CLCA1: variants seen among roughly 807,000 people sequenced by gnomAD.
CLCA1 encodes chloride channel accessory 1.
In CLCA1, 59 loss-of-function variants were observed where a neutral mutation model predicts 85.6. The ratio of observed to expected loss-of-function variants is 0.69; its 90% CI spans 0.56 to 0.86. The LOEUF is 0.86. CLCA1 is among the 40% of genes least tolerant of loss of function. The pLI is 0.00. For missense variants in CLCA1, 1,022 were observed against 1,101.4 expected (o/e 0.93, Z 1.02); for synonymous variants, 396 against 398.3 (o/e 0.99, Z 0.07).
Position 86,499,890 on chromosome 1 carries a change from T to C in CLCA1, c.2590T>C (p.Leu864=). The part of the protein sequence containing the change: ...SEISNIARVS[L]FIPPQTPPET... ...AATATCCAACATTGCACGAGTATCT[T>C]TGTTTATTCCTCCACAGACTCCGCC... Residue 864 remains leucine (L), a synonymous_variant, in exon 14 of 14, where the codon TTG becomes CTG. Transcript: ENST00000394711. 1 of 1,614,122 alleles carries C rather than the reference T, an allele frequency of 6.2e-7. No individual in the cohort carries two copies.
intron 1 of CLCA1, among the ~76,000 whole-genome samples, 194 bp downstream of exon 1, chr1:86,469,327 C>T (rs1647435771): frequency 6.6e-6 from 1 of 152,084 alleles, no homozygotes; most frequent in African/African-American, 2.4e-5. Flanking sequence ...ATAATGAATG[C>T]AATGCACATA....
At chr1:86,489,540 G>T (rs1648078898) in intron 8 of CLCA1, among the ~76,000 whole-genome samples, 1 of 152,146 alleles carries the variant, frequency 6.6e-6, no homozygotes. Context: ...GCAACAGAAA[G>T]TACAATAAAG....
At chr1:86,498,425 T>C (rs1438594114) in intron 12 of CLCA1, 147 bp from the exon 13 acceptor site, 2 of 707,158 alleles carry the variant, frequency 2.8e-6, no homozygotes, top group Non-Finnish European at 4.5e-6. Context: ...TGTGGTCTTG[T>C]CTCCAAATAT....
rs1218629888 is a variant in CLCA1, at chr1:86,478,721, AATGAGTACATATAC to A, written c.557+2170_557+2183del. Among the ~76,000 whole-genome samples the A allele has an allele frequency of 7.9e-5, 12 of 152,386 alleles. No individual in the cohort carries two copies. In the South Asian group the frequency reaches 1.4e-3, roughly 18 times the overall value. ...TATTTCCTTCTAGAGATATTCTAGA[AATGAGTACATATAC>A]AACACATTTTTCTTTCGACAGATAA... On this transcript the variant is annotated intron_variant, in intron 4 of 13. Coordinates refer to ENST00000394711, the MANE Select transcript of CLCA1 (RefSeq NM_001285.4).
chr1:86,484,831 G>A (rs1377152501), intron 5 of CLCA1, among the ~76,000 whole-genome samples: 2 of 135,018 alleles, frequency 1.5e-5, no homozygotes, highest in African/African-American at 5.1e-5. Context: ...AATACCTGAG[G>A]AGGAGGAGCA....
chr1:86,496,719 A>G (rs185860813), intron 12 of CLCA1, among the ~76,000 whole-genome samples: 20 of 152,222 alleles, frequency 1.3e-4, no homozygotes, highest in Admixed American at 1.2e-3. Context: ...ATAGAGGGAA[A>G]TGTTTTAAAA....
At chr1:86,484,659 G>T (rs1647913691) in intron 5 of CLCA1, among the ~76,000 whole-genome samples, 1 of 152,204 alleles carries the variant, frequency 6.6e-6, no homozygotes, top group Non-Finnish European at 1.5e-5. Flanking sequence ...GACTGTGATG[G>T]CTTGGGTGAT....
At chr1:86,488,389 C>G (rs1648042890) in intron 7 of CLCA1, among the ~76,000 whole-genome samples, 2 of 152,104 alleles carry the variant, frequency 1.3e-5, no homozygotes. Context: ...AATAAATAAT[C>G]CAAATATACC....
chr1:86,489,243 T>C (rs1648073351), intron 8 of CLCA1, 73 bp downstream of exon 8: 1 of 1,420,256 alleles, frequency 7.0e-7, no homozygotes, highest in African/African-American at 1.4e-5. Flanking sequence ...AACTGGGGAG[T>C]GGGGGAAAGA....
chr1:86,490,908 A>AG (rs1286836392), intron 8 of CLCA1, among the ~76,000 whole-genome samples: 1 of 122,282 alleles, frequency 8.2e-6, no homozygotes, highest in Non-Finnish European at 1.9e-5. Context: ...CTAAAAAAAA[A>AG]AAAAAAAAAA....
intron 4 of CLCA1, among the ~76,000 whole-genome samples, chr1:86,478,757 A>G (rs1570281638): frequency 6.6e-6 from 1 of 152,242 alleles, no homozygotes; most frequent in African/African-American, 2.4e-5. Context: ...CTTTCGACAG[A>G]TAAGACATGA....
chr1:86,476,832 G>T (rs1307033163), intron 4 of CLCA1, among the ~76,000 whole-genome samples: 1 of 151,844 alleles, frequency 6.6e-6, no homozygotes, highest in East Asian at 1.9e-4. Flanking sequence ...GCTGTGTTTA[G>T]TGTCTCCATC....
intron 7 of CLCA1, among the ~76,000 whole-genome samples, chr1:86,488,415 A>G (rs1218590205): frequency 4.6e-5 from 7 of 152,246 alleles, no homozygotes; most frequent in African/African-American, 1.7e-4. Context: ...TAGTTGAGAC[A>G]TAGGTGTCAC....
In CLCA1 at chr1:86,495,541, G is replaced by A; in HGVS notation, c.1979G>A (p.Arg660Lys). The A allele has an allele frequency of 1.2e-6, 2 of 1,613,900 alleles. No individual in the cohort carries two copies. Among genetic ancestry groups the A allele is most frequent in the Non-Finnish European group, 1.7e-6 (2 of 1,179,878 alleles). The change falls in exon 12 of 14, where the codon AGG (arginine) becomes AAG (lysine). Residue 660 changes from arginine (R) to lysine (K), a missense_variant. Coordinates refer to ENST00000394711, the MANE Select transcript of CLCA1 (RefSeq NM_001285.4). The stretch of plus-strand genomic sequence containing the variant: ...ACTAAGGATGACGGTGTCTACTCAA[G>A]GTATTTCACAACTTATGACACGAAT... Reference protein sequence around the residue: ...DATKDDGVYSRYFTTYDTNGR... With the variant: ...DATKDDGVYSKYFTTYDTNGR...
rs1416148010 is a variant in CLCA1 at position 86,495,495 on chromosome 1, C to G, written c.1943-10C>G. 4 of 1,601,388 alleles carry G rather than the reference C, an allele frequency of 2.5e-6. No individual in the cohort carries two copies. The Admixed American group carries it at 5.0e-5, about 20-fold the overall frequency. ...TTACCTATTTATTAATTCCTTCATT[C>G]TTTATCAAGGTGCTGATGCTACTAA... On this transcript the variant is annotated splice_polypyrimidine_tract_variant and intron_variant, in intron 11 of 13. Coordinates refer to ENST00000394711, the MANE Select transcript of CLCA1 (RefSeq NM_001285.4).
At chr1:86,487,208 C>A (rs1230430529) in intron 7 of CLCA1, among the ~76,000 whole-genome samples, 1 of 152,198 alleles carries the variant, frequency 6.6e-6, no homozygotes, top group Non-Finnish European at 1.5e-5. Flanking sequence ...AACACTTCTC[C>A]AGATGCCTGC....
chr1:86,493,425 G>A lies in CLCA1; in HGVS notation c.1506G>A (p.Met502Ile). The A allele has an allele frequency of 5.6e-6, 9 of 1,614,102 alleles. No individual in the cohort carries two copies. The highest frequency in any genetic ancestry group is 6.8e-6 in the Non-Finnish European group (8 of 1,179,984). Residue 502 changes from methionine (M) to isoleucine (I), a missense_variant, in exon 10 of 14, where the codon ATG becomes ATA. Met to Ile is a conservative substitution (Grantham distance 10, BLOSUM62 1). Coordinates refer to ENST00000394711, the MANE Select transcript of CLCA1 (RefSeq NM_001285.4). Reference sequence around the variant, plus strand: ...TAACCCTCCAGAACAGCCAGTGGATGAATGGCACAGTGATCGTGGACAGCA... The same window carrying A: ...TAACCCTCCAGAACAGCCAGTGGATAAATGGCACAGTGATCGTGGACAGCA... ...KGLTLQNSQW[M>I]NGTVIVDSTV...
intron 12 of CLCA1, among the ~76,000 whole-genome samples, chr1:86,496,199 T>C (rs987057271): frequency 6.6e-6 from 1 of 152,264 alleles, no homozygotes; most frequent in African/African-American, 2.4e-5. Context: ...TTTATCATTA[T>C]TTTAAAAACA....
intron 7 of CLCA1, among the ~76,000 whole-genome samples, chr1:86,487,217 G>A (rs1273619589): frequency 6.6e-6 from 1 of 152,200 alleles, no homozygotes; most frequent in Admixed American, 6.5e-5. Flanking sequence ...CCAGATGCCT[G>A]CGTGCATCTG....
Sources: allele counts gnomAD v4.1 joint callset (sites outside exome capture counted in the v4.1 genomes callset), GRCh38; gene constraint gnomAD v4.1.1; transcripts MANE v1.5; gene names NCBI Gene and HGNC (gene_info 2026-07-23, HGNC 2026-07-21).